KCND2: variants seen among roughly 807,000 people sequenced by gnomAD.
KCND2 encodes potassium voltage-gated channel subfamily D member 2.
KCND2 carries 16 observed loss-of-function variants against 54.4 expected under a neutral mutation model. The observed-to-expected ratio is 0.29, with a 90% confidence interval of 0.20 to 0.45. The LOEUF is 0.45. Ranked by LOEUF, KCND2 falls within the 20% of genes least tolerant of loss-of-function variation. The pLI is 1.00. For synonymous variants in KCND2, 317 were observed against 310.7 expected, an observed-to-expected ratio of 1.02 and a Z score of -0.21; for missense variants, 486 against 824.2, an observed-to-expected ratio of 0.59 and a Z score of 5.02.
At chr7:120,335,418 G>C (rs897560902) in intron 1 of KCND2, among the ~76,000 whole-genome samples, 2 of 148,100 alleles carry the variant, frequency 1.4e-5, no homozygotes, top group African/African-American at 5.0e-5. Flanking sequence ...AGCAGGCCTT[G>C]GTTTGTCCAT....
At chr7:120,691,823 A>C (rs764623253) in intron 1 of KCND2, among the ~76,000 whole-genome samples, 6 of 152,200 alleles carry the variant, frequency 3.9e-5, no homozygotes, top group African/African-American at 7.2e-5. Context: ...ACTCCAGTGC[A>C]AAGAAGTTGA....
intron 1 of KCND2, among the ~76,000 whole-genome samples, chr7:120,311,156 G>A (rs73430001): frequency 0.021 from 3,249 of 152,034 alleles, 131 homozygotes; most frequent in African/African-American, 0.074. Context: ...CTATATTTAG[G>A]TTCCTGATTA....
chr7:120,681,538 C>G (rs1021374516), intron 1 of KCND2, among the ~76,000 whole-genome samples: 4 of 151,964 alleles, frequency 2.6e-5, no homozygotes, highest in Non-Finnish European at 5.9e-5. Flanking sequence ...CTCTCTCTCT[C>G]TCTCTCTCTC....
At chr7:120,578,942 G>GCA (rs1562878210) in intron 1 of KCND2, among the ~76,000 whole-genome samples, 1 of 148,018 alleles carries the variant, frequency 6.8e-6, no homozygotes, top group East Asian at 2.0e-4. Flanking sequence ...ACACACACAC[G>GCA]CACACAAAGA....
Position 120,284,311 on chromosome 7 carries a change from G to T in KCND2, c.1115+8564G>T, listed in dbSNP as rs138951789. 3.9e-3 allele frequency among the ~76,000 whole-genome samples: 585 copies of T among 151,820 alleles called. 7 individuals are homozygous for T. The highest frequency in any genetic ancestry group is 0.013 in the African/African-American group (543 of 41,406). ...CATGCACACGCACACACACACACGCGCGCACACTCCAACCATTCGCTGGTT... is the reference window on the plus strand; with the variant it reads ...CATGCACACGCACACACACACACGCTCGCACACTCCAACCATTCGCTGGTT... On this transcript the variant is annotated intron_variant, in intron 1 of 5. Transcript: ENST00000331113.
At chr7:120,389,333 A>T (rs1252310319) in intron 1 of KCND2, among the ~76,000 whole-genome samples, 2 of 151,926 alleles carry the variant, frequency 1.3e-5, no homozygotes, top group Non-Finnish European at 2.9e-5. Context: ...TAACCTATCC[A>T]TCATCTTACA....
At chr7:120,610,123 A>T (rs1280686049) in intron 1 of KCND2, among the ~76,000 whole-genome samples, 1 of 152,102 alleles carries the variant, frequency 6.6e-6, no homozygotes, top group Non-Finnish European at 1.5e-5. Context: ...ACTCAATGGC[A>T]TGCGTGACTA....
In KCND2 at chr7:120,371,243, A is replaced by G. The variant is rs538071781; in HGVS notation, c.1115+95496A>G. 1.6e-4 allele frequency among the ~76,000 whole-genome samples: 24 copies of G among 152,158 alleles called. No homozygotes were observed. In the East Asian group the frequency reaches 4.5e-3, roughly 28 times the overall value. On this transcript the variant is annotated intron_variant, in intron 1 of 5. Transcript: ENST00000331113. Reference sequence around the variant, plus strand: ...CTTGCTATATACATGTCCCACAGACAGGCCCCACAGAGAGGGAAATGAAAT... The same window carrying G: ...CTTGCTATATACATGTCCCACAGACGGGCCCCACAGAGAGGGAAATGAAAT...
chr7:120,584,122 T>C (rs1429885089), intron 1 of KCND2, among the ~76,000 whole-genome samples: 1 of 152,240 alleles, frequency 6.6e-6, no homozygotes, highest in Non-Finnish European at 1.5e-5. Context: ...GAATGCACAA[T>C]TGACAGAGAC....
chr7:120,504,592 T>C (rs1011784274), intron 1 of KCND2, among the ~76,000 whole-genome samples: 5 of 151,896 alleles, frequency 3.3e-5, no homozygotes, highest in Non-Finnish European at 7.4e-5. Context: ...CATCTTGGTG[T>C]GTAATTTACT....
At chr7:120,547,226 T>C (rs1463031304) in intron 1 of KCND2, among the ~76,000 whole-genome samples, 5 of 152,020 alleles carry the variant, frequency 3.3e-5, no homozygotes, top group African/African-American at 1.2e-4. Context: ...AGATAAATTG[T>C]GAGTGAATCA....
chr7:120,415,150 C>T lies in KCND2; in HGVS notation c.1115+139403C>T, dbSNP rs560484717. Among the ~76,000 whole-genome samples the T allele has an allele frequency of 5.9e-5, 9 of 152,282 alleles. No homozygotes were observed. In the East Asian group the frequency reaches 9.6e-4, roughly 16 times the overall value. ...GCTTTGACAGGACTATCAACATTGCCATGTAATCATACTATGTTTTGTCTC... is the reference window on the plus strand; with the variant it reads ...GCTTTGACAGGACTATCAACATTGCTATGTAATCATACTATGTTTTGTCTC... On this transcript the variant is annotated intron_variant, in intron 1 of 5. Transcript: ENST00000331113.
At chr7:120,632,969 G>A (rs1340751026) in intron 1 of KCND2, among the ~76,000 whole-genome samples, 1 of 152,070 alleles carries the variant, frequency 6.6e-6, no homozygotes, top group East Asian at 1.9e-4. Flanking sequence ...CTCCAATCTT[G>A]GCATAAGGAG....
intron 1 of KCND2, among the ~76,000 whole-genome samples, chr7:120,559,055 A>G (rs1280222378): frequency 6.6e-6 from 1 of 151,462 alleles, no homozygotes; most frequent in Non-Finnish European, 1.5e-5. Context: ...ACGTGCATGT[A>G]TGTGCATTAC....
chr7:120,413,073 A>G (rs1801474049), intron 1 of KCND2, among the ~76,000 whole-genome samples: 2 of 152,080 alleles, frequency 1.3e-5, no homozygotes, highest in South Asian at 4.1e-4. Context: ...TTAAGTAGAT[A>G]TTGTGACTAC....
intron 1 of KCND2, among the ~76,000 whole-genome samples, chr7:120,695,856 A>T (rs1792326906): frequency 6.6e-6 from 1 of 152,218 alleles, no homozygotes; most frequent in African/African-American, 2.4e-5. Flanking sequence ...TATAGATGGA[A>T]GTTGATTGAC....
rs933960167 is a variant in KCND2, at chr7:120,749,914, C to T, written c.*2056C>T. On this transcript the variant is annotated 3_prime_UTR_variant, in exon 6 of 6. Transcript: ENST00000331113. The stretch of plus-strand genomic sequence containing the variant: ...GAAACCATAATCAGAATTACTATGT[C>T]TTTTGATTCCCAATGAGAAGTTCTA... The T allele has an allele frequency of 3.3e-5, 5 of 151,990 alleles. No individual in the cohort carries two copies. The South Asian group carries it at 1.0e-3, about 32-fold the overall frequency. 9.4% of individuals were successfully genotyped at this position (151,990 alleles called of 1,614,324 possible).
chr7:120,310,059 T>C (rs1799714877), intron 1 of KCND2, among the ~76,000 whole-genome samples: 1 of 152,326 alleles, frequency 6.6e-6, no homozygotes, highest in East Asian at 1.9e-4. Context: ...CTGAGTACTT[T>C]ACTTCCATGC....
chr7:120,560,840 A>C (rs1792224096), intron 1 of KCND2, among the ~76,000 whole-genome samples: 1 of 152,206 alleles, frequency 6.6e-6, no homozygotes, highest in African/African-American at 2.4e-5. Flanking sequence ...TATCGAGACA[A>C]TTCTAATCCA....
Sources: gnomAD v4.1 joint callset for allele counts (sites outside exome capture counted in the v4.1 genomes callset) on GRCh38, gnomAD v4.1.1 for gene constraint, MANE v1.5 for transcripts, NCBI Gene and HGNC (gene_info 2026-07-23, HGNC 2026-07-21) for gene names.